The following SRD5A2 variants were observed in gnomAD, a reference collection of about 807,000 sequenced individuals.
SRD5A2 encodes 3-oxo-5-alpha-steroid 4-dehydrogenase 2.
SRD5A2 carries 30 observed loss-of-function variants against 27.4 expected under a neutral mutation model. The observed-to-expected ratio is 1.10, with a 90% CI of 0.82 to 1.49. The LOEUF (loss-of-function observed/expected upper bound fraction) is 1.49, where lower values mean the gene tolerates loss of function less well. Ranked by LOEUF, SRD5A2 falls within the 40% of genes most tolerant of loss-of-function variation. The pLI is 0.00. For synonymous variants in SRD5A2, 141 were observed against 133.6 expected (o/e 1.06, Z -0.38); for missense variants, 348 against 323.4 (o/e 1.08, Z -0.58).
At chr2:31,552,504 AACAGATTGTTACAGGATAGC>A (rs1666400377) in intron 1 of SRD5A2, among the ~76,000 whole-genome samples, 1 of 152,080 alleles carries the variant, frequency 6.6e-6, no homozygotes, top group Non-Finnish European at 1.5e-5. Context: ...AAAGGGCGTA[AACAGATTGTTACAGGATAGC>A]AGAGCTCTGT....
At position 31,580,733 on chromosome 2, in the gene SRD5A2, C is replaced by G. The variant is rs1311014616; in HGVS notation, c.168G>C (p.Gln56His). The change falls in exon 1 of 5, where the codon CAG becomes CAC. Residue 56 changes from glutamine (Q) to histidine (H), a missense_variant. Coordinates refer to ENST00000622030, the MANE Select transcript of SRD5A2 (RefSeq NM_000348.4). ...CGGGCACCGCGAAGGAAGGCAGCTC[C>G]TGCAGGAACCAGGCGGCGCGGGCTG... ...RLPARAAWFL[Q>H]ELPSFAVPAG... The G allele has an allele frequency of 5.6e-6, 9 of 1,609,006 alleles. No individual in the cohort carries two copies. The highest frequency in any genetic ancestry group is 6.8e-6 in the Non-Finnish European group (8 of 1,179,572).
chr2:31,526,362 A>T (rs568852995), intron 4 of SRD5A2, 100 bp from the exon 5 acceptor site: 2 of 763,428 alleles, frequency 2.6e-6, no homozygotes, highest in South Asian at 3.0e-5. Context: ...ACCTACAGTT[A>T]TTTTGGGCCT....
chr2:31,598,937 T>C, the SRD5A2 span, among the ~76,000 whole-genome samples: 4 of 152,098 alleles, frequency 2.6e-5, no homozygotes, highest in Non-Finnish European at 5.9e-5. Context: ...ACACTTCACC[T>C]ATACAGACAC....
At chr2:31,630,850 G>A in the SRD5A2 span, among the ~76,000 whole-genome samples, 2 of 152,092 alleles carry the variant, frequency 1.3e-5, no homozygotes, top group Non-Finnish European at 1.5e-5. Context: ...CCATACAAAG[G>A]TCCGACCAGA....
At chr2:31,544,723 A>G (rs1276712592) in intron 1 of SRD5A2, among the ~76,000 whole-genome samples, 2 of 151,942 alleles carry the variant, frequency 1.3e-5, no homozygotes, top group Non-Finnish European at 2.9e-5. Flanking sequence ...AAAGAAATCA[A>G]GAATAGAAAA....
At chr2:31,631,932 G>T in the SRD5A2 span, among the ~76,000 whole-genome samples, 1 of 152,146 alleles carries the variant, frequency 6.6e-6, no homozygotes, top group Non-Finnish European at 1.5e-5. Context: ...AAACTAGGAA[G>T]AAGCCTATAA....
chr2:31,572,038 T>C (rs1666858404), intron 1 of SRD5A2, among the ~76,000 whole-genome samples: 1 of 128 alleles, frequency 7.8e-3, no homozygotes, highest in Non-Finnish European at 0.015. Flanking sequence ...TGCATGCTCA[T>C]TGCAGCACGT....
the SRD5A2 span, among the ~76,000 whole-genome samples, chr2:31,621,099 C>T: frequency 6.6e-6 from 1 of 151,558 alleles, no homozygotes; most frequent in Non-Finnish European, 1.5e-5. Context: ...GGAAGAGATC[C>T]TGTGCATTCT....
chr2:31,627,433 GGTGT>G, the SRD5A2 span, among the ~76,000 whole-genome samples: 3 of 149,710 alleles, frequency 2.0e-5, no homozygotes, highest in African/African-American at 7.4e-5. Context: ...TTTGTACGGG[GGTGT>G]GTGTGTGTGT....
upstream of SRD5A2, among the ~76,000 whole-genome samples, chr2:31,581,698 C>T (rs1266311265): frequency 6.6e-6 from 1 of 152,156 alleles, no homozygotes; most frequent in East Asian, 1.9e-4. Context: ...CGTCCTCTCC[C>T]GCCACCCCAC....
chr2:31,645,437 AC>A, the SRD5A2 span, among the ~76,000 whole-genome samples: 3 of 152,208 alleles, frequency 2.0e-5, no homozygotes, highest in Non-Finnish European at 4.4e-5. Flanking sequence ...CTATGTACCC[AC>A]AAAAACTAAA....
chr2:31,653,952 C>T, the SRD5A2 span, among the ~76,000 whole-genome samples: 51 of 152,286 alleles, frequency 3.3e-4, no homozygotes, highest in Admixed American at 1.6e-3. Context: ...ACCCACTGCA[C>T]CCAGCCTACA....
At chr2:31,648,368 G>T in the SRD5A2 span, among the ~76,000 whole-genome samples, 1 of 152,194 alleles carries the variant, frequency 6.6e-6, no homozygotes, top group Non-Finnish European at 1.5e-5. Context: ...TTAAGGTCTA[G>T]TCCAGCCATG....
chr2:31,617,673 GC>G, the SRD5A2 span, among the ~76,000 whole-genome samples: 1 of 152,198 alleles, frequency 6.6e-6, no homozygotes, highest in Non-Finnish European at 1.5e-5. Context: ...TAGGACAGGG[GC>G]AAAAGGCCAC....
chr2:31,618,719 C>T, the SRD5A2 span, among the ~76,000 whole-genome samples: 1 of 151,888 alleles, frequency 6.6e-6, no homozygotes, highest in African/African-American at 2.4e-5. Context: ...TCAAAGGATA[C>T]AAAGTTTTAG....
At chr2:31,629,940 C>T in the SRD5A2 span, among the ~76,000 whole-genome samples, 2 of 151,148 alleles carry the variant, frequency 1.3e-5, no homozygotes. Context: ...TCTAAGGAAG[C>T]TCTACACTGT....
chr2:31,532,925 AC>A (rs1182585419), intron 2 of SRD5A2, among the ~76,000 whole-genome samples: 2 of 150,966 alleles, frequency 1.3e-5, no homozygotes, highest in Non-Finnish European at 3.0e-5. Flanking sequence ...TGAGGAACCA[AC>A]CCCCATGAAT....
the SRD5A2 span, among the ~76,000 whole-genome samples, chr2:31,597,278 G>T: frequency 5.9e-5 from 9 of 152,070 alleles, no homozygotes; most frequent in South Asian, 1.9e-3. Flanking sequence ...ACATGTAGAA[G>T]AATGAAACTA....
At chr2:31,607,201 AAGG>A in the SRD5A2 span, among the ~76,000 whole-genome samples, 1 of 152,028 alleles carries the variant, frequency 6.6e-6, no homozygotes, top group Non-Finnish European at 1.5e-5. Flanking sequence ...TAATTACTAA[AAGG>A]AGAAGAAAGA....
Sources: allele counts gnomAD v4.1 joint callset (sites outside exome capture counted in the v4.1 genomes callset), GRCh38; gene constraint gnomAD v4.1.1; transcripts MANE v1.5; gene names NCBI Gene and HGNC (gene_info 2026-07-23, HGNC 2026-07-21).